SOCS2: variants seen among roughly 807,000 people sequenced by gnomAD.
SOCS2 encodes CIS-2.
A neutral mutation model predicts 18.6 loss-of-function variants in SOCS2; 10 were observed. The ratio of observed to expected loss-of-function variants is 0.54; its 90% CI spans 0.33 to 0.91. The LOEUF (loss-of-function observed/expected upper bound fraction) is 0.91. Ranked by LOEUF, SOCS2 falls within the 40% of genes least tolerant of loss-of-function variation. The probability of loss-of-function intolerance (pLI) is 0.02; values close to 1 mark genes in which losing one functional copy is unlikely to be tolerated. For synonymous variants in SOCS2, 104 were observed against 104.0 expected (o/e 1.00, Z 0.00); for missense variants, 231 against 247.2 (o/e 0.93, Z 0.44).
chr12:93,599,426 C>T, the SOCS2 span, among the ~76,000 whole-genome samples: 20 of 152,052 alleles, frequency 1.3e-4, no homozygotes, highest in Admixed American at 7.9e-4. Flanking sequence ...CCTCCCAAAG[C>T]GCTAGGATTA....
chr12:93,574,887 G>T lies in SOCS2; in HGVS notation c.305G>T (p.Gly102Val). 1.2e-6 allele frequency: 2 copies of T among 1,614,146 alleles called. No individual in the cohort carries two copies. The highest frequency in any genetic ancestry group is 1.7e-6 in the Non-Finnish European group (2 of 1,180,022). ...PTNLRIEYQD[G>V]KFRLDSIICV... ...AATCTTCGAATCGAATACCAAGACGGAAAATTCAGATTGGACTCTATCATA... is the reference window on the plus strand; with the variant it reads ...AATCTTCGAATCGAATACCAAGACGTAAAATTCAGATTGGACTCTATCATA... The change falls in exon 2 of 2, where the codon GGA becomes GTA. Residue 102 changes from glycine to valine, a missense_variant. Gly to Val is a moderately radical substitution (Grantham distance 109, BLOSUM62 -3). Transcript: ENST00000551556.
At chr12:93,584,019 G>C (rs1007250909), downstream of SOCS2, among the ~76,000 whole-genome samples, 2 of 152,208 alleles carry the variant, frequency 1.3e-5, no homozygotes, top group African/African-American at 2.4e-5. Flanking sequence ...AATAGAGTAA[G>C]TGTTCCAATT....
chr12:93,614,421 CTTTCTT>C, the SOCS2 span, among the ~76,000 whole-genome samples: 15 of 104,134 alleles, frequency 1.4e-4, no homozygotes, highest in South Asian at 3.5e-4. Flanking sequence ...TTCTTTCTTC[CTTTCTT>C]TCCCTTCCTT....
At chr12:93,613,134 C>A in the SOCS2 span, among the ~76,000 whole-genome samples, 5 of 152,168 alleles carry the variant, frequency 3.3e-5, no homozygotes, top group African/African-American at 1.2e-4. Context: ...ACAGAGGAAG[C>A]CAATATCTGA....
chr12:93,610,379 C>T, the SOCS2 span, among the ~76,000 whole-genome samples: 1 of 152,092 alleles, frequency 6.6e-6, no homozygotes, highest in South Asian at 2.1e-4. Context: ...TTCCTGGACC[C>T]CCACCTTTAG....
the SOCS2 span, among the ~76,000 whole-genome samples, chr12:93,614,936 T>C: frequency 2.0e-5 from 3 of 148,474 alleles, no homozygotes; most frequent in South Asian, 2.1e-4. Context: ...CAATTTTCTA[T>C]TTAAAAAAAA....
chr12:93,588,704 C>T, the SOCS2 span, among the ~76,000 whole-genome samples: 1 of 151,928 alleles, frequency 6.6e-6, no homozygotes, highest in African/African-American at 2.4e-5. Flanking sequence ...GCAATCTCCA[C>T]CTCCCAGGTT....
the SOCS2 span, among the ~76,000 whole-genome samples, chr12:93,625,745 C>CAAAA: frequency 3.2e-5 from 2 of 62,474 alleles, no homozygotes; most frequent in African/African-American, 9.1e-5. Flanking sequence ...GAGACCATCT[C>CAAAA]AAAAAAAAAA....
chr12:93,582,638 G>A (rs1310395177), intron 1 of SOCS2, among the ~76,000 whole-genome samples: 2 of 152,204 alleles, frequency 1.3e-5, no homozygotes, highest in South Asian at 2.1e-4. Context: ...GCAAGTTGGG[G>A]TAACTGGCAC....
At chr12:93,588,613 G>C in the SOCS2 span, among the ~76,000 whole-genome samples, 16 of 138,938 alleles carry the variant, frequency 1.2e-4, no homozygotes, top group Admixed American at 2.9e-4. Context: ...TGGAGACAGT[G>C]AATTTTTTTT....
Position 93,572,943 on chromosome 12 carries a change from A to T in SOCS2, c.46A>T (p.Thr16Ser). Residue 16 changes from threonine (T) to serine (S), a missense_variant, in exon 1 of 2, where the codon ACG (threonine) becomes TCG (serine). This residue lies in a region of SOCS2 where 106 missense variants were observed against 103.8 expected (regional missense o/e 1.02). Coordinates refer to ENST00000551556, the MANE Select transcript of SOCS2 (RefSeq NM_001270471.2). This position sits in a 1 kb window ranked among gnomAD's most constrained non-coding sequence, Gnocchi z 5.0. ...LEPSGNGGEG[T>S]RSQWGTAGSA... Reference sequence around the variant, plus strand: ...GCCCTCCGGGAATGGCGGGGAAGGGACGCGGAGCCAGTGGGGGACCGCGGG... The same window carrying T: ...GCCCTCCGGGAATGGCGGGGAAGGGTCGCGGAGCCAGTGGGGGACCGCGGG... The T allele has an allele frequency of 6.4e-7, 1 of 1,568,556 alleles. No homozygotes were observed. The highest frequency in any genetic ancestry group is 8.6e-7 in the Non-Finnish European group (1 of 1,156,368).
the SOCS2 span, among the ~76,000 whole-genome samples, chr12:93,608,000 C>CTTTTT: frequency 3.2e-5 from 4 of 124,462 alleles, no homozygotes; most frequent in African/African-American, 9.1e-5. Flanking sequence ...GACTGTAAAT[C>CTTTTT]TTTTTTTTTT....
downstream of SOCS2, among the ~76,000 whole-genome samples, chr12:93,581,266 T>A (rs995335531): frequency 6.6e-6 from 1 of 152,236 alleles, no homozygotes; most frequent in African/African-American, 2.4e-5. Flanking sequence ...CGCCACCAGA[T>A]AGCTGATTTA....
the SOCS2 span, among the ~76,000 whole-genome samples, chr12:93,606,582 A>G: frequency 1.7e-4 from 26 of 152,116 alleles, no homozygotes; most frequent in South Asian, 5.2e-3. Context: ...TGATTTCATC[A>G]CACCTTTTAA....
the SOCS2 span, among the ~76,000 whole-genome samples, chr12:93,607,882 A>G: frequency 2.0e-5 from 3 of 151,994 alleles, no homozygotes; most frequent in East Asian, 5.8e-4. Flanking sequence ...AACAGACTGT[A>G]TGATGTGGGG....
chr12:93,592,870 CT>C, the SOCS2 span, among the ~76,000 whole-genome samples: 1 of 146,004 alleles, frequency 6.8e-6, no homozygotes, highest in Non-Finnish European at 1.5e-5. Context: ...TTGACTGTGG[CT>C]TCATAGACAG....
At chr12:93,573,521 G>T (rs1000688528) in intron 1 of SOCS2, 3 of 262,418 alleles carry the variant, frequency 1.1e-5, no homozygotes, top group East Asian at 1.4e-4. Context: ...CCCGGGCGTC[G>T]AGAGTAGGCT....
downstream of SOCS2, among the ~76,000 whole-genome samples, chr12:93,587,783 A>G (rs1352332062): frequency 2.0e-5 from 3 of 152,290 alleles, no homozygotes; most frequent in Non-Finnish European, 4.4e-5. Context: ...GTTTGTTCCC[A>G]TAAGTTCTAC....
the SOCS2 span, among the ~76,000 whole-genome samples, chr12:93,603,916 T>G: frequency 6.6e-6 from 1 of 152,204 alleles, no homozygotes; most frequent in East Asian, 1.9e-4. Flanking sequence ...GCATGTATTA[T>G]CAGAGTAGCT....
Sources: gnomAD v4.1 joint callset for allele counts (sites outside exome capture counted in the v4.1 genomes callset) on GRCh38, gnomAD v4.1.1 for gene constraint, gnomAD v4.1.1 regional missense constraint, Gnocchi (gnomAD v3.1) non-coding constraint, MANE v1.5 for transcripts, NCBI Gene and HGNC (gene_info 2026-07-23, HGNC 2026-07-21) for gene names.